ADAMTS16: variants seen among roughly 807,000 people sequenced by gnomAD.
ADAMTS16 encodes the protein ADAM metallopeptidase with thrombospondin type 1 motif 16.
Under a neutral mutation model 145.8 loss-of-function variants are expected in ADAMTS16, and 94 were observed. The ratio of observed to expected loss-of-function variants is 0.64; its 90% CI spans 0.55 to 0.77. ADAMTS16 has a LOEUF of 0.77. ADAMTS16 is among the 30% of genes least tolerant of loss of function. The pLI, the probability that ADAMTS16 is intolerant of heterozygous loss-of-function variation, is 0.00. For synonymous variants in ADAMTS16, 659 were observed against 604.3 expected (o/e 1.09, Z -1.33); for missense variants, 1,585 against 1,591.5 (o/e 1.00, Z 0.07).
chr5:5,182,192 G>T lies in ADAMTS16; in HGVS notation c.650G>T (p.Ser217Ile). Residue 217 changes from serine to isoleucine, a missense_variant, in exon 4 of 23, where the codon AGT (serine) becomes ATT (isoleucine). This residue lies in a region of ADAMTS16 where 453 missense variants were observed against 412.1 expected (regional missense o/e 1.10). Transcript: ENST00000274181. ...ACAGAGCCCCATGCTCCTGGGGCCA[G>T]TGAGGTCCTGGTGACCTCAAGGACA... The part of the protein sequence containing the change: ...RSTEPHAPGA[S>I]EVLVTSRTWE... 6.2e-7 allele frequency: 1 copy of T among 1,614,188 alleles called. No homozygotes were observed. The highest frequency in any genetic ancestry group is 1.1e-5 in the South Asian group (1 of 91,088).
chr5:5,168,103 A>T (rs1363405722), intron 3 of ADAMTS16, among the ~76,000 whole-genome samples: 1 of 152,292 alleles, frequency 6.6e-6, no homozygotes, highest in East Asian at 1.9e-4. Flanking sequence ...TATAACTACA[A>T]ATGCAACAAC....
Position 5,309,827 on chromosome 5 carries a change from C to CGTGTGTGT in ADAMTS16, c.3411+3121_3411+3128dup, listed in dbSNP as rs35723690. 5.0e-3 allele frequency among the ~76,000 whole-genome samples: 741 copies of CGTGTGTGT among 146,968 alleles called. 8 individuals are homozygous for CGTGTGTGT. Among genetic ancestry groups the CGTGTGTGT allele is most frequent in the African/African-American group, 0.016 (636 of 39,474 alleles). ...GTTTAGGAGAGACAGGTCATGTCCT[C>CGTGTGTGT]GTGTGTGTGTGTGTGTGTGTGTGTG... On this transcript the variant is annotated intron_variant, in intron 21 of 22. Coordinates refer to ENST00000274181, the MANE Select transcript of ADAMTS16 (RefSeq NM_139056.4).
intron 21 of ADAMTS16, among the ~76,000 whole-genome samples, chr5:5,309,568 C>T (rs951443619): frequency 2.0e-5 from 3 of 152,180 alleles, no homozygotes; most frequent in Non-Finnish European, 4.4e-5. Flanking sequence ...AGAGAAGTTT[C>T]CTCCTGCAGC....
At chr5:5,209,285 C>T in intron 10 of ADAMTS16, 39 bp downstream of exon 10, 1 of 1,604,542 alleles carries the variant, frequency 6.2e-7, no homozygotes, top group South Asian at 1.1e-5. Context: ...CAACATGATT[C>T]ATAAGACTGT....
chr5:5,295,064 C>T (rs1035810273), intron 18 of ADAMTS16, among the ~76,000 whole-genome samples: 19 of 152,156 alleles, frequency 1.2e-4, no homozygotes, highest in South Asian at 1.0e-3. Context: ...GACACAAATG[C>T]GCATTCATTT....
intron 3 of ADAMTS16, among the ~76,000 whole-genome samples, chr5:5,157,280 A>G (rs1247183557): frequency 2.6e-5 from 4 of 152,078 alleles, no homozygotes; most frequent in South Asian, 4.1e-4. Context: ...TCTACCTAAA[A>G]ATAGGTTGAA....
intron 12 of ADAMTS16, among the ~76,000 whole-genome samples, chr5:5,234,309 T>C (rs1737028856): frequency 6.6e-6 from 1 of 152,200 alleles, no homozygotes; most frequent in Non-Finnish European, 1.5e-5. Context: ...ATTTTGGTCT[T>C]GAAAGCAAAG....
chr5:5,281,136 G>A lies in ADAMTS16; in HGVS notation c.2789+18353G>A, dbSNP rs981397518. Reference sequence around the variant, plus strand: ...AGAAATGATAGTAATTACTGGGGAGGAGAGCATCACATGAAGCCAAGAAAG... The same window carrying A: ...AGAAATGATAGTAATTACTGGGGAGAAGAGCATCACATGAAGCCAAGAAAG... On this transcript the variant is annotated intron_variant, in intron 18 of 22. Coordinates refer to ENST00000274181, the MANE Select transcript of ADAMTS16 (RefSeq NM_139056.4). Among the ~76,000 whole-genome samples the A allele has an allele frequency of 9.2e-5, 14 of 152,200 alleles. No homozygotes were observed. In the South Asian group the frequency reaches 2.9e-3, roughly 32 times the overall value.
chr5:5,205,223 C>T (rs12188811), intron 9 of ADAMTS16, among the ~76,000 whole-genome samples: 1 of 150,996 alleles, frequency 6.6e-6, no homozygotes, highest in Admixed American at 6.6e-5. Flanking sequence ...TTTAATGGTG[C>T]CTTTTGCTAA....
At chr5:5,218,674 T>C (rs1736504780) in intron 10 of ADAMTS16, among the ~76,000 whole-genome samples, 1 of 152,182 alleles carries the variant, frequency 6.6e-6, no homozygotes, top group South Asian at 2.1e-4. Flanking sequence ...GCCTCAAAGA[T>C]GAGTGCGAGG....
rs1738305546 is a variant in ADAMTS16 at position 5,267,903 on chromosome 5, A to G, written c.2789+5120A>G. 3.3e-5 allele frequency among the ~76,000 whole-genome samples: 5 copies of G among 152,180 alleles called. No homozygotes were observed. In the South Asian group the frequency reaches 1.0e-3, roughly 32 times the overall value. Reference sequence around the variant, plus strand: ...AATCAGATCTTTGCTTTGTCCACTAATACATCCCAATGGATGAGAATCGTG... The same window carrying G: ...AATCAGATCTTTGCTTTGTCCACTAGTACATCCCAATGGATGAGAATCGTG... On this transcript the variant is annotated intron_variant, in intron 18 of 22. Transcript: ENST00000274181.
At chr5:5,248,388 C>G (rs16875141) in intron 17 of ADAMTS16, among the ~76,000 whole-genome samples, 1 of 152,226 alleles carries the variant, frequency 6.6e-6, no homozygotes. Flanking sequence ...CATTGCTCAT[C>G]AAACTCACCA....
intron 3 of ADAMTS16, among the ~76,000 whole-genome samples, chr5:5,169,222 T>G (rs1423224911): frequency 1.3e-5 from 2 of 152,214 alleles, no homozygotes; most frequent in Non-Finnish European, 2.9e-5. Context: ...TTCTATTTAA[T>G]AATTATCACT....
At chr5:5,151,305 C>A (rs189806641) in intron 3 of ADAMTS16, among the ~76,000 whole-genome samples, 146 of 151,946 alleles carry the variant, frequency 9.6e-4, no homozygotes, top group Non-Finnish European at 1.1e-3. Context: ...ATTGCACAAT[C>A]TCAGCTCACT....
In ADAMTS16 at chr5:5,310,294, C is replaced by T. The variant is rs1432595592; in HGVS notation, c.3411+3566C>T. On this transcript the variant is annotated intron_variant, in intron 21 of 22. Coordinates refer to ENST00000274181, the MANE Select transcript of ADAMTS16 (RefSeq NM_139056.4). This position sits in a 1 kb window ranked among gnomAD's most constrained non-coding sequence, Gnocchi z 4.3. ...CAGCCCATCTCTCATCCTTCCTAGC[C>T]CCCAATTCCCTTTTCTGTGGCCACT... Among the ~76,000 whole-genome samples the T allele has an allele frequency of 6.6e-6, 1 of 152,130 alleles. No individual in the cohort carries two copies. The highest frequency in any genetic ancestry group is 1.5e-5 in the Non-Finnish European group (1 of 68,024).
chr5:5,169,615 C>T (rs1734994512), intron 3 of ADAMTS16, among the ~76,000 whole-genome samples: 1 of 152,220 alleles, frequency 6.6e-6, no homozygotes, highest in South Asian at 2.1e-4. Flanking sequence ...GTTTGCCTTT[C>T]TGCAGCGTTG....
At chr5:5,166,929 A>G (rs991915347) in intron 3 of ADAMTS16, among the ~76,000 whole-genome samples, 1 of 152,170 alleles carries the variant, frequency 6.6e-6, no homozygotes, top group Non-Finnish European at 1.5e-5. Context: ...TCCCTCCTGT[A>G]TGCTCACAGC....
intron 6 of ADAMTS16, among the ~76,000 whole-genome samples, chr5:5,188,835 G>C (rs2126572890): frequency 6.6e-6 from 1 of 152,172 alleles, no homozygotes; most frequent in East Asian, 1.9e-4. Context: ...AGTTGGGGAG[G>C]GGGTTGCTGA....
At position 5,146,224 on chromosome 5, in the gene ADAMTS16, C is replaced by T. The variant is rs1734290796; in HGVS notation, c.270C>T (p.Pro90=). 1.2e-6 allele frequency: 2 copies of T among 1,614,122 alleles called. No individual in the cohort carries two copies. The highest frequency in any genetic ancestry group is 2.7e-5 in the African/African-American group (2 of 75,026). Residue 90 remains proline (P), a synonymous_variant, in exon 3 of 23, where the codon CCC becomes CCT. Coordinates refer to ENST00000274181, the MANE Select transcript of ADAMTS16 (RefSeq NM_139056.4). The part of the protein sequence containing the change: ...MHHQRRRRAV[P]VSEVESLHLR... ...ATCAGCGGCGGAGAAGAGCAGTGCC[C>T]GTGTCCGAGGTTGAGTCTCTTCACC...
Sources: gnomAD v4.1 joint callset for allele counts (sites outside exome capture counted in the v4.1 genomes callset) on GRCh38, gnomAD v4.1.1 for gene constraint, gnomAD v4.1.1 regional missense constraint, Gnocchi (gnomAD v3.1) non-coding constraint, MANE v1.5 for transcripts, NCBI Gene and HGNC (gene_info 2026-07-23, HGNC 2026-07-21) for gene names.